UBOX5: variants seen among roughly 807,000 people sequenced by gnomAD.
UBOX5 encodes the protein U-box domain containing 5, also known as RING finger protein 37.
In UBOX5, 28 loss-of-function variants were observed where a neutral mutation model predicts 39.0. The ratio of observed to expected loss-of-function variants is 0.72; its 90% CI spans 0.53 to 0.98. The LOEUF (loss-of-function observed/expected upper bound fraction) is 0.98. Among genes scored for constraint, UBOX5 ranks in the 50% least tolerant of loss-of-function variants. The probability of loss-of-function intolerance (pLI) is 0.00; values close to 1 mark genes in which losing one functional copy is unlikely to be tolerated. For missense variants in UBOX5, 585 were observed against 674.4 expected (o/e 0.87, Z 1.47); for synonymous variants, 283 against 275.5 (o/e 1.03, Z -0.27).
intron 1 of UBOX5, among the ~76,000 whole-genome samples, chr20:3,127,836 G>A (rs1418364536): frequency 2.0e-5 from 3 of 152,142 alleles, no homozygotes; most frequent in Admixed American, 6.5e-5. Flanking sequence ...ACACATTAGC[G>A]TGTGTACATA....
intron 1 of UBOX5, among the ~76,000 whole-genome samples, chr20:3,135,740 AT>A (rs2066465827): frequency 6.6e-6 from 1 of 151,760 alleles, no homozygotes; most frequent in African/African-American, 2.4e-5. Context: ...GCAATTATTC[AT>A]TTGGGGTTTT....
At chr20:3,115,991 G>A (rs555580852) in intron 3 of UBOX5, among the ~76,000 whole-genome samples, 1 of 152,014 alleles carries the variant, frequency 6.6e-6, no homozygotes, top group Non-Finnish European at 1.5e-5. Flanking sequence ...TCCTGACCTC[G>A]TGATCCACCT....
Position 3,149,153 on chromosome 20 carries a change from T to C in UBOX5, c.-42+10613A>G. ...AGGCAATTTCTTGTTTATATGGTGC[T>C]TGATTAGAGCTGGACGGGGAGGTGT... On this transcript the variant is annotated intron_variant, in intron 1 of 4. Coordinates refer to ENST00000217173, the MANE Select transcript of UBOX5 (RefSeq NM_014948.4). The surrounding 1 kb of genome is among the most constrained non-coding windows in gnomAD (Gnocchi z 4.1). 2.7e-6 allele frequency: 4 copies of C among 1,468,006 alleles called. No individual in the cohort carries two copies. Among genetic ancestry groups the C allele is most frequent in the Non-Finnish European group, 3.7e-6 (4 of 1,087,516 alleles). The allele number at this position is 1,468,006 out of a possible 1,614,324, so 90.9% of individuals were successfully genotyped here.
intron 1 of UBOX5, chr20:3,148,771 T>A: frequency 6.2e-7 from 1 of 1,614,224 alleles, no homozygotes; most frequent in Non-Finnish European, 8.5e-7. Context: ...CTTCATCAAC[T>A]CCTGTGGCCC....
chr20:3,146,863 G>A lies in UBOX5; in HGVS notation c.-42+12903C>T, dbSNP rs745988256. On this transcript the variant is annotated intron_variant, in intron 1 of 4. Coordinates refer to ENST00000217173, the MANE Select transcript of UBOX5 (RefSeq NM_014948.4). Reference sequence around the variant, plus strand: ...TCAGTAGTGGGAGCCATTCCCAGTAGGATAACTCTACCACACGGTAGCCAA... The same window carrying A: ...TCAGTAGTGGGAGCCATTCCCAGTAAGATAACTCTACCACACGGTAGCCAA... 5 of 1,614,198 alleles carry A rather than the reference G, an allele frequency of 3.1e-6. No homozygotes were observed. In the South Asian group the frequency reaches 4.4e-5, roughly 14 times the overall value.
intron 1 of UBOX5, among the ~76,000 whole-genome samples, chr20:3,132,176 T>G (rs536483315): frequency 1.4e-3 from 208 of 148,584 alleles, no homozygotes; most frequent in African/African-American, 5.0e-3. Context: ...TGGGCATGGT[T>G]GCGCATGCCT....
intron 1 of UBOX5, among the ~76,000 whole-genome samples, chr20:3,128,887 GTTC>G (rs1475530003): frequency 6.6e-6 from 1 of 152,218 alleles, no homozygotes; most frequent in African/African-American, 2.4e-5. Flanking sequence ...TAAAATAAGA[GTTC>G]TTCTAGACTT....
intron 1 of UBOX5, among the ~76,000 whole-genome samples, chr20:3,155,458 G>A (rs1568484532): frequency 6.6e-6 from 1 of 152,066 alleles, no homozygotes; most frequent in Non-Finnish European, 1.5e-5. Context: ...TTGAACCCGC[G>A]AGGCAGAGGT....
At chr20:3,137,371 C>T (rs1279050623) in intron 1 of UBOX5, among the ~76,000 whole-genome samples, 1 of 152,206 alleles carries the variant, frequency 6.6e-6, no homozygotes, top group Non-Finnish European at 1.5e-5. Context: ...ACCTCCGCCT[C>T]CTGGGTTCAA....
chr20:3,127,494 G>A (rs922497919), intron 1 of UBOX5, among the ~76,000 whole-genome samples: 32 of 152,012 alleles, frequency 2.1e-4, no homozygotes. Flanking sequence ...TTTTCTAGGA[G>A]GGGAACTTCC....
At chr20:3,112,276 C>T (rs1479937381) in intron 4 of UBOX5, among the ~76,000 whole-genome samples, 1 of 151,994 alleles carries the variant, frequency 6.6e-6, no homozygotes, top group Non-Finnish European at 1.5e-5. Context: ...ACCCACAGTG[C>T]ATGATGAGAA....
intron 1 of UBOX5, among the ~76,000 whole-genome samples, chr20:3,151,047 A>AGTGTGTGTTTGT (rs1181546302): frequency 2.6e-5 from 4 of 152,014 alleles, no homozygotes; most frequent in Non-Finnish European, 4.4e-5. Flanking sequence ...AAACCCAGTT[A>AGTGTGTGTTTGT]GTGTGTGTTT....
chr20:3,142,938 GA>G (rs1386148958), intron 1 of UBOX5, among the ~76,000 whole-genome samples: 1 of 149,368 alleles, frequency 6.7e-6, no homozygotes, highest in African/African-American at 2.5e-5. Flanking sequence ...CAAGAAAAAA[GA>G]AAAAAAAGGA....
intron 1 of UBOX5, among the ~76,000 whole-genome samples, chr20:3,157,221 T>C (rs763389953): frequency 6.6e-6 from 1 of 152,222 alleles, no homozygotes; most frequent in East Asian, 1.9e-4. Flanking sequence ...TAGCTGTTAA[T>C]GTGGATGTTA....
chr20:3,151,218 T>G (rs917206481), intron 1 of UBOX5, among the ~76,000 whole-genome samples: 1 of 152,218 alleles, frequency 6.6e-6, no homozygotes, highest in Non-Finnish European at 1.5e-5. Context: ...TGGACCATTC[T>G]GCCCACCAAA....
At position 3,121,388 on chromosome 20, in the gene UBOX5, C is replaced by A; in HGVS notation, c.1251G>T (p.Ser417=). Residue 417 remains serine, a synonymous_variant, in exon 3 of 5, where the codon TCG becomes TCT. Transcript: ENST00000217173. ...GGACACAGGATGCTGAATTACCTGTCGAGCAGTCCATATGTGTCAGGCTGG... is the reference window on the plus strand; with the variant it reads ...GGACACAGGATGCTGAATTACCTGTAGAGCAGTCCATATGTGTCAGGCTGG... The part of the protein sequence containing the change: ...NEPSLTHMDC[S]TGPLSHEQKL... 2 of 1,606,632 alleles carry A rather than the reference C, an allele frequency of 1.2e-6. No individual in the cohort carries two copies. The highest frequency in any genetic ancestry group is 8.5e-7 in the Non-Finnish European group (1 of 1,176,088).
chr20:3,126,375 G>T (rs187880318), intron 1 of UBOX5, among the ~76,000 whole-genome samples: 2 of 152,014 alleles, frequency 1.3e-5, no homozygotes, highest in African/African-American at 4.8e-5. Context: ...CACTGCGGAA[G>T]GCCGCAGGGA....
At chr20:3,139,453 G>A (rs138474066) in intron 1 of UBOX5, among the ~76,000 whole-genome samples, 1,691 of 152,070 alleles carry the variant, frequency 0.011, 31 homozygotes, top group African/African-American at 0.038. Flanking sequence ...GCAATGGCGC[G>A]ATCTCGGCTC....
At chr20:3,146,862 A>G (rs1346917886) in intron 1 of UBOX5, 1 of 1,614,244 alleles carries the variant, frequency 6.2e-7, no homozygotes, top group East Asian at 2.2e-5. Flanking sequence ...CATTCCCAGT[A>G]GGATAACTCT....
Sources: gnomAD v4.1 joint callset for allele counts (sites outside exome capture counted in the v4.1 genomes callset) on GRCh38, gnomAD v4.1.1 for gene constraint, Gnocchi (gnomAD v3.1) non-coding constraint, MANE v1.5 for transcripts, NCBI Gene and HGNC (gene_info 2026-07-23, HGNC 2026-07-21) for gene names.